Variants in AMN observed in about 807,000 individuals in gnomAD.
AMN encodes the protein amnion associated transmembrane protein, also known as protein amnionless.
Under a neutral mutation model 49.1 loss-of-function variants are expected in AMN, and 40 were observed. The ratio of observed to expected loss-of-function variants is 0.81; its 90% CI spans 0.63 to 1.06. The LOEUF (loss-of-function observed/expected upper bound fraction) is 1.06. Ranked by LOEUF, AMN falls within the 50% of genes least tolerant of loss-of-function variation. The probability of loss-of-function intolerance (pLI) is 0.00; values close to 1 mark genes in which losing one functional copy is unlikely to be tolerated. For missense variants in AMN, 701 were observed against 662.8 expected (o/e 1.06, Z -0.63); for synonymous variants, 380 against 313.3 (o/e 1.21, Z -2.25).
rs1387555458 is a variant in AMN, at chr14:102,930,080, G to A, written c.1000G>A (p.Glu334Lys). ...CCGGGCCCTCCTGGCGGACGTCGCC[G>A]AGAACGGTAACCGCGCCCGCCCCAT... ...LARALLADVAENGEALGVLEA... is the reference protein window; with the variant it reads ...LARALLADVAKNGEALGVLEA... The change falls in exon 9 of 12, where the codon GAG (glutamate) becomes AAG (lysine). Residue 334 changes from glutamate to lysine, a missense_variant. Coordinates refer to ENST00000299155, the MANE Select transcript of AMN (RefSeq NM_030943.4). 24 of 1,540,102 alleles carry A rather than the reference G, an allele frequency of 1.6e-5. No individual in the cohort carries two copies. Among genetic ancestry groups the A allele is most frequent in the Admixed American group, 2.0e-5 (1 of 50,742 alleles).
In AMN at chr14:102,930,315, C is replaced by G. The variant is rs1332836626; in HGVS notation, c.1157C>G (p.Ala386Gly). Residue 386 changes from alanine (A) to glycine (G), a missense_variant, in exon 10 of 12, where the codon GCG (alanine) becomes GGG (glycine). Ala to Gly is a moderately conservative substitution (Grantham distance 60). Transcript: ENST00000299155. ...LLVAPPLLRR[A>G]GRLRWRRHEA... ...GTGGCGCCGCCGCTGCTGCGCCGCGCGGGGAGGCTCAGGTACGCGGGGCGG... is the reference window on the plus strand; with the variant it reads ...GTGGCGCCGCCGCTGCTGCGCCGCGGGGGGAGGCTCAGGTACGCGGGGCGG... 5 of 1,378,214 alleles carry G rather than the reference C, an allele frequency of 3.6e-6. No individual in the cohort carries two copies. The highest frequency in any genetic ancestry group is 3.6e-5 in the Admixed American group (1 of 27,802). The allele number at this position is 1,378,214 out of a possible 1,614,324, so 85.4% of individuals were successfully genotyped here.
intron 3 of AMN, 39 bp from the exon 4 acceptor site, chr14:102,928,387 A>AC: frequency 6.5e-7 from 1 of 1,531,670 alleles, no homozygotes; most frequent in East Asian, 2.4e-5. Context: ...GCAGGCCCGG[A>AC]CCCCCGCGTG....
intron 1 of AMN, 76 bp from the exon 2 acceptor site, chr14:102,923,635 T>C (rs1891115604): frequency 3.0e-6 from 4 of 1,345,988 alleles, no homozygotes; most frequent in African/African-American, 1.4e-5. Context: ...CTTCCGCACT[T>C]CTCTGGGTGG....
intron 3 of AMN, among the ~76,000 whole-genome samples, chr14:102,924,354 C>CG (rs1181195967): frequency 6.6e-6 from 1 of 151,886 alleles, no homozygotes; most frequent in Non-Finnish European, 1.5e-5. Flanking sequence ...AACACCCCCC[C>CG]CTCTACCCAC....
intron 3 of AMN, among the ~76,000 whole-genome samples, chr14:102,928,180 C>T (rs1187081536): frequency 6.6e-6 from 1 of 152,266 alleles, no homozygotes; most frequent in Non-Finnish European, 1.5e-5. Flanking sequence ...TGTGAGACCT[C>T]CAGCTCAGGG....
At chr14:102,922,800 T>C in intron 1 of AMN, 69 bp downstream of exon 1, 1 of 1,528,076 alleles carries the variant, frequency 6.5e-7, no homozygotes, top group Admixed American at 2.0e-5. Context: ...CCGAGGTCGC[T>C]CTAGGCCTGG....
In AMN at chr14:102,922,741, G is replaced by C; in HGVS notation, c.43+10G>C. 1 of 1,582,070 alleles carries C rather than the reference G, an allele frequency of 6.3e-7. No individual in the cohort carries two copies. The highest frequency in any genetic ancestry group is 8.6e-7 in the Non-Finnish European group (1 of 1,168,386). ...TGGCTGCAGCTCTGCGGTGAGCCGG[G>C]ACCACACCGGTGCGGGCCCGGACGG... On this transcript the variant is annotated intron_variant, in intron 1 of 11. Coordinates refer to ENST00000299155, the MANE Select transcript of AMN (RefSeq NM_030943.4).
chr14:102,929,385 G>C, intron 6 of AMN, 43 bp from the exon 7 acceptor site: 1 of 1,521,864 alleles, frequency 6.6e-7, no homozygotes. Context: ...TCTCGCTGCG[G>C]TCCGCTCTGG....
At chr14:102,926,107 G>A (rs1333298348) in intron 3 of AMN, among the ~76,000 whole-genome samples, 1 of 152,178 alleles carries the variant, frequency 6.6e-6, no homozygotes, top group Non-Finnish European at 1.5e-5. Context: ...TGCTCACTGT[G>A]GACTTGCCTG....
chr14:102,930,251 G>A lies in AMN; in HGVS notation c.1093G>A (p.Val365Met). 1 of 1,379,086 alleles carries A rather than the reference G, an allele frequency of 7.3e-7. No homozygotes were observed. The allele number at this position is 1,379,086 out of a possible 1,614,324, so 85.4% of individuals were successfully genotyped here. Residue 365 changes from valine to methionine, a missense_variant, in exon 10 of 12, where the codon GTG (valine) becomes ATG (methionine). By Grantham distance (21) the Val-to-Met change is conservative. Transcript: ENST00000299155. The part of the protein sequence containing the change: ...GSSAAGLAGG[V>M]AAAVLLALLV... ...CTCCGCGGCTGGGCTGGCGGGCGGC[G>A]TGGCGGCTGCCGTGCTGCTGGCGCT...
In AMN at chr14:102,930,197, C is replaced by T. The variant is rs1431883178; in HGVS notation, c.1039C>T (p.Arg347Trp). The change falls in exon 10 of 12, where the codon CGG (arginine) becomes TGG (tryptophan). Residue 347 changes from arginine (R) to tryptophan (W), a missense_variant. Transcript: ENST00000299155. Reference sequence around the variant, plus strand: ...CCTCGGCGTCCTGGAGGCGACCATGCGGGAGTCGGGCGCACACGTCTGGGG... The same window carrying T: ...CCTCGGCGTCCTGGAGGCGACCATGTGGGAGTCGGGCGCACACGTCTGGGG... ...EALGVLEATM[R>W]ESGAHVWGSS... is the part of the protein sequence containing the mutation. 1.4e-6 allele frequency: 2 copies of T among 1,475,506 alleles called. No homozygotes were observed. Among genetic ancestry groups the T allele is most frequent in the Admixed American group, 2.3e-5 (1 of 43,272 alleles). The allele number at this position is 1,475,506 out of a possible 1,614,324, so 91.4% of individuals were successfully genotyped here. A position where few individuals can be genotyped will look rare whatever the true frequency, so the allele number is the denominator to read the frequency against.
At chr14:102,928,713 G>C in intron 4 of AMN, 45 bp from the exon 5 acceptor site, 1 of 1,581,624 alleles carries the variant, frequency 6.3e-7, no homozygotes. Flanking sequence ...GCGTGGTGTG[G>C]CGCGGCGCTT....
intron 1 of AMN, 81 bp downstream of exon 1, chr14:102,922,812 G>GGGTGAAGATCTTCCGAGGAGTGGGC: frequency 6.6e-7 from 1 of 1,513,722 alleles, no homozygotes; most frequent in East Asian, 2.4e-5. Context: ...TAGGCCTGGA[G>GGGTGAAGATCTTCCGAGGAGTGGGC]GGTGAAGATC....
intron 1 of AMN, 71 bp from the exon 2 acceptor site, chr14:102,923,640 G>A: frequency 1.5e-6 from 2 of 1,368,168 alleles, no homozygotes; most frequent in Non-Finnish European, 2.1e-6. Flanking sequence ...GCACTTCTCT[G>A]GGTGGGTGGC....
intron 2 of AMN, 42 bp downstream of exon 2, chr14:102,923,871 CCTGAGA>C: frequency 6.2e-7 from 1 of 1,612,778 alleles, no homozygotes; most frequent in Non-Finnish European, 8.5e-7. Flanking sequence ...GGCCTGGACC[CCTGAGA>C]CCGTGTGGCC....
Position 102,930,239 on chromosome 14 carries a change from C to T in AMN, c.1081C>T (p.Leu361=). The change falls in exon 10 of 12, where the codon CTG becomes TTG. Residue 361 remains leucine (L), a synonymous_variant. Coordinates refer to ENST00000299155, the MANE Select transcript of AMN (RefSeq NM_030943.4). The part of the protein sequence containing the change: ...AHVWGSSAAG[L]AGGVAAAVLL... Reference sequence around the variant, plus strand: ...CGTCTGGGGCAGCTCCGCGGCTGGGCTGGCGGGCGGCGTGGCGGCTGCCGT... The same window carrying T: ...CGTCTGGGGCAGCTCCGCGGCTGGGTTGGCGGGCGGCGTGGCGGCTGCCGT... 2 of 1,386,646 alleles carry T rather than the reference C, an allele frequency of 1.4e-6. No homozygotes were observed. The highest frequency in any genetic ancestry group is 1.9e-6 in the Non-Finnish European group (2 of 1,072,748). 85.9% of individuals were successfully genotyped at this position (1,386,646 alleles called of 1,614,324 possible).
intron 3 of AMN, among the ~76,000 whole-genome samples, chr14:102,924,327 CT>C (rs1312585510): frequency 3.6e-5 from 5 of 137,280 alleles, no homozygotes; most frequent in Admixed American, 7.3e-5. Flanking sequence ...CTTTAGAACA[CT>C]AGGGAAAGTG....
At chr14:102,927,037 CT>C (rs1566826967) in intron 3 of AMN, among the ~76,000 whole-genome samples, 5 of 152,134 alleles carry the variant, frequency 3.3e-5, no homozygotes, top group Non-Finnish European at 4.4e-5. Context: ...GGACTACAGG[CT>C]TGTGCCACCA....
At chr14:102,929,365 G>T in intron 6 of AMN, 63 bp from the exon 7 acceptor site, 13 of 1,515,154 alleles carry the variant, frequency 8.6e-6, no homozygotes, top group Non-Finnish European at 1.1e-5. Flanking sequence ...CTTCTCGGAG[G>T]CATCGCCCTT....
Sources: allele counts gnomAD v4.1 joint callset (sites outside exome capture counted in the v4.1 genomes callset), GRCh38; gene constraint gnomAD v4.1.1; transcripts MANE v1.5; gene names NCBI Gene and HGNC (gene_info 2026-07-23, HGNC 2026-07-21).